Variants in PCDHA7 observed in about 807,000 individuals in gnomAD.
PCDHA7 encodes protocadherin alpha 7, also known as protocadherin alpha-7.
In PCDHA7, 37 loss-of-function variants were observed where a neutral mutation model predicts 57.2. That is an observed-to-expected ratio of 0.65 (90% CI 0.50 to 0.85). PCDHA7 has a LOEUF of 0.85. Ranked by LOEUF, PCDHA7 falls within the 40% of genes least tolerant of loss-of-function variation. The pLI is 0.00. For synonymous variants in PCDHA7, 553 were observed against 558.8 expected, an observed-to-expected ratio of 0.99 and a Z score of 0.15; for missense variants, 1,188 against 1,241.8, an observed-to-expected ratio of 0.96 and a Z score of 0.65.
chr5:140,939,579 A>AT (rs2153642013), intron 1 of PCDHA7, among the ~76,000 whole-genome samples: 1 of 152,306 alleles, frequency 6.6e-6, no homozygotes, highest in African/African-American at 2.4e-5. Context: ...AAAATGGAAA[A>AT]TTTTAACATA....
At chr5:140,896,191 C>T (rs987655303) in intron 1 of PCDHA7, among the ~76,000 whole-genome samples, 1 of 152,184 alleles carries the variant, frequency 6.6e-6, no homozygotes, top group African/African-American at 2.4e-5. Flanking sequence ...GTGAATAGTG[C>T]CATGATGAAC....
In PCDHA7 at chr5:140,929,213, A is replaced by T. The variant is rs199608631; in HGVS notation, c.2356-49736A>T. On this transcript the variant is annotated intron_variant, in intron 1 of 3. Coordinates refer to ENST00000525929, the MANE Select transcript of PCDHA7 (RefSeq NM_018910.3). ...AATAACAGTTTGCTGTTGCGTGGGG[A>T]GTACAATGCTGCCGACCTGCGAAAT... 3 of 1,614,052 alleles carry T rather than the reference A, an allele frequency of 1.9e-6. No homozygotes were observed. The East Asian group carries it at 6.7e-5, about 36-fold the overall frequency.
In PCDHA7 at chr5:140,877,394, A is replaced by G. The variant is rs538259450; in HGVS notation, c.2355+40656A>G. 5.6e-6 allele frequency: 9 copies of G among 1,613,930 alleles called. No individual in the cohort carries two copies. In the South Asian group the frequency reaches 8.8e-5, roughly 16 times the overall value. On this transcript the variant is annotated intron_variant, in intron 1 of 3. Transcript: ENST00000525929. ...ACGACACGCATCCTGGATGAGGCGG[A>G]CGCTCCGCGCCACCGCCTGCTGGTG... is the stretch of plus-strand genomic sequence containing the variant.
At chr5:140,997,688 G>C (rs1232415745) in intron 3 of PCDHA7, among the ~76,000 whole-genome samples, 1 of 151,990 alleles carries the variant, frequency 6.6e-6, no homozygotes, top group Non-Finnish European at 1.5e-5. Context: ...GTGTGTGTGT[G>C]TGTGTGTGTA....
At chr5:141,007,991 A>G (rs1276879326) in intron 3 of PCDHA7, among the ~76,000 whole-genome samples, 1 of 152,234 alleles carries the variant, frequency 6.6e-6, no homozygotes, top group Non-Finnish European at 1.5e-5. Context: ...TATGAAATGT[A>G]CATGTTAATA....
chr5:140,886,552 G>A (rs188986859), intron 1 of PCDHA7, among the ~76,000 whole-genome samples: 132 of 151,712 alleles, frequency 8.7e-4, no homozygotes, highest in Middle Eastern at 3.4e-3. Flanking sequence ...TCCCAGCTGG[G>A]CACGGTGGCT....
In PCDHA7 at chr5:140,834,331, T is replaced by C. The variant is rs2150215321; in HGVS notation, c.-53T>C. ...TGAAATGAAGGGATAAAAACATTCC[T>C]ATAAATTCGAAGGCAAGTTTTGCTG... On this transcript the variant is annotated 5_prime_UTR_variant, in exon 1 of 4. Coordinates refer to ENST00000525929, the MANE Select transcript of PCDHA7 (RefSeq NM_018910.3). 119 of 1,480,242 alleles carry C rather than the reference T, an allele frequency of 8.0e-5. No individual in the cohort carries two copies. In the African/African-American group the frequency reaches 9.8e-4, roughly 12 times the overall value. The allele number at this position is 1,480,242 out of a possible 1,614,324, so 91.7% of individuals were successfully genotyped here. A position where few individuals can be genotyped will look rare whatever the true frequency, so the allele number is the denominator to read the frequency against.
At chr5:140,851,805 T>A (rs2042164036) in intron 1 of PCDHA7, 1 of 945,532 alleles carries the variant, frequency 1.1e-6, no homozygotes. Flanking sequence ...CTGTCAGTAA[T>A]CCATAAGACA....
intron 3 of PCDHA7, among the ~76,000 whole-genome samples, chr5:140,990,731 A>G (rs1554251699): frequency 1.3e-5 from 2 of 152,166 alleles, no homozygotes; most frequent in South Asian, 4.1e-4. Flanking sequence ...AGGTATATCA[A>G]CAGCCCTAGG....
At chr5:140,870,388 G>A (rs1487402100) in intron 1 of PCDHA7, 5 of 1,614,232 alleles carry the variant, frequency 3.1e-6, no homozygotes, top group Non-Finnish European at 4.2e-6. Context: ...TGCGCGGGAT[G>A]GGGGTTCGCC....
At chr5:140,941,406 T>C (rs1381146519) in intron 1 of PCDHA7, among the ~76,000 whole-genome samples, 1 of 146,240 alleles carries the variant, frequency 6.8e-6, no homozygotes, top group Non-Finnish European at 1.5e-5. Context: ...AACCTCCGCC[T>C]CCCGGGTTCA....
In PCDHA7 at chr5:140,870,962, C is replaced by A. The variant is rs1489353896; in HGVS notation, c.2355+34224C>A. 7 of 1,613,532 alleles carry A rather than the reference C, an allele frequency of 4.3e-6. No individual in the cohort carries two copies. In the Admixed American group the frequency reaches 1.2e-4, roughly 27 times the overall value. On this transcript the variant is annotated intron_variant, in intron 1 of 3. Transcript: ENST00000525929. Reference sequence around the variant, plus strand: ...CCGGCGGCGGGCGGCTCGCGCATCCCGTTCCGCGTGGGGCTGTACACGGGC... The same window carrying A: ...CCGGCGGCGGGCGGCTCGCGCATCCAGTTCCGCGTGGGGCTGTACACGGGC...
intron 1 of PCDHA7, among the ~76,000 whole-genome samples, chr5:140,921,037 T>C (rs2079983245): frequency 1.3e-5 from 2 of 151,986 alleles, no homozygotes; most frequent in Admixed American, 1.3e-4. Context: ...TGGGGTGCAG[T>C]GGGGCAATCA....
intron 1 of PCDHA7, among the ~76,000 whole-genome samples, chr5:140,917,087 C>G (rs1275905052): frequency 6.6e-6 from 1 of 152,100 alleles, no homozygotes; most frequent in Non-Finnish European, 1.5e-5. Flanking sequence ...GTAAAGTTCC[C>G]CAGTTGCTGT....
intron 1 of PCDHA7, chr5:140,930,288 T>A (rs2086713135): frequency 6.6e-6 from 1 of 152,212 alleles, no homozygotes; most frequent in African/African-American, 2.4e-5. Context: ...CAAATACACT[T>A]AACAAATAAG....
chr5:140,870,734 T>A (rs782055886), intron 1 of PCDHA7: 1 of 1,613,458 alleles, frequency 6.2e-7, no homozygotes. Flanking sequence ...GTGCCGCCTC[T>A]GAGCAGCAAC....
intron 1 of PCDHA7, chr5:140,856,893 C>T (rs267600397): frequency 6.3e-7 from 1 of 1,596,420 alleles, no homozygotes; most frequent in Non-Finnish European, 8.6e-7. Flanking sequence ...TCATTTAGCT[C>T]TTTGGTCCCA....
intron 3 of PCDHA7, among the ~76,000 whole-genome samples, chr5:140,990,256 A>G (rs2153888367): frequency 6.6e-6 from 1 of 152,332 alleles, no homozygotes; most frequent in Middle Eastern, 3.4e-3. Flanking sequence ...TCTGCTGGAT[A>G]CCAAACAATG....
chr5:140,841,293 TA>T (rs1554138064), intron 1 of PCDHA7: 1 of 1,494,496 alleles, frequency 6.7e-7, no homozygotes, highest in African/African-American at 1.4e-5. Flanking sequence ...ATTAAGATAA[TA>T]TTTTCTGATA....
Sources: gnomAD v4.1 joint callset for allele counts (sites outside exome capture counted in the v4.1 genomes callset) on GRCh38, gnomAD v4.1.1 for gene constraint, MANE v1.5 for transcripts, NCBI Gene and HGNC (gene_info 2026-07-23, HGNC 2026-07-21) for gene names.